The following CACNA1I variants were observed in gnomAD, a reference collection of about 807,000 sequenced individuals.
CACNA1I encodes the protein calcium voltage-gated channel subunit alpha1 I.
CACNA1I carries 74 observed loss-of-function variants against 201.6 expected under a neutral mutation model. That is an observed-to-expected ratio of 0.37 (90% confidence interval 0.30 to 0.45). The LOEUF (loss-of-function observed/expected upper bound fraction) is 0.45. CACNA1I is among the 20% of genes least tolerant of loss of function. CACNA1I has a pLI of 1.00. For missense variants in CACNA1I, 2,346 were observed against 3,138.1 expected, an observed-to-expected ratio of 0.75 and a Z score of 6.03; for synonymous variants, 1,431 against 1,345.2, an observed-to-expected ratio of 1.06 and a Z score of -1.40.
chr22:39,677,128 G>A lies in CACNA1I; in HGVS notation c.4855-213G>A, dbSNP rs956555782. On this transcript the variant is annotated intron_variant, in intron 29 of 36. Coordinates refer to ENST00000402142, the MANE Select transcript of CACNA1I (RefSeq NM_021096.4). The surrounding 1 kb of genome is among the most constrained non-coding windows in gnomAD (Gnocchi z 4.8). ...ACAGCTTGTGGTAAAGGTGGCACAA[G>A]TGTTTTCTTGTTATTCTGAGCCCTG... is the stretch of plus-strand genomic sequence containing the variant. Among the ~76,000 whole-genome samples, 1 of 152,244 alleles carries A rather than the reference G, an allele frequency of 6.6e-6. No individual in the cohort carries two copies. Among genetic ancestry groups the A allele is most frequent in the African/African-American group, 2.4e-5 (1 of 41,460 alleles).
intron 1 of CACNA1I, 36 bp from the exon 2 acceptor site, chr22:39,598,115 T>C: frequency 1.5e-6 from 2 of 1,359,406 alleles, no homozygotes; most frequent in Non-Finnish European, 1.0e-6. Context: ...CCACGGGCGA[T>C]CCCACCTGCT....
At chr22:39,572,063 C>T (rs544478954) in intron 1 of CACNA1I, among the ~76,000 whole-genome samples, 1 of 152,226 alleles carries the variant, frequency 6.6e-6, no homozygotes, top group South Asian at 2.1e-4. Flanking sequence ...CCCTGAGGGG[C>T]AGAGAGGAGT....
intron 28 of CACNA1I, among the ~76,000 whole-genome samples, 178 bp downstream of exon 28, chr22:39,673,260 C>A (rs1935427088): frequency 6.6e-6 from 1 of 152,118 alleles, no homozygotes; most frequent in African/African-American, 2.4e-5. Flanking sequence ...ACAGCCAACA[C>A]ACACGCATGC....
rs1049701709 is a variant in CACNA1I, at chr22:39,676,437, G to A, written c.4855-904G>A. ...TTACTTTTCAGCAGTTAACGTGAACGTTTTCTGAGGGTTCTAAGGCCTTCT... is the reference window on the plus strand; with the variant it reads ...TTACTTTTCAGCAGTTAACGTGAACATTTTCTGAGGGTTCTAAGGCCTTCT... On this transcript the variant is annotated intron_variant, in intron 29 of 36. Transcript: ENST00000402142. The surrounding 1 kb of genome is among the most constrained non-coding windows in gnomAD (Gnocchi z 4.8). Among the ~76,000 whole-genome samples, 1 of 152,210 alleles carries A rather than the reference G, an allele frequency of 6.6e-6. No homozygotes were observed. The highest frequency in any genetic ancestry group is 2.4e-5 in the African/African-American group (1 of 41,450).
Position 39,659,493 on chromosome 22 carries a change from G to A in CACNA1I, c.2391G>A (p.Thr797=), listed in dbSNP as rs201586243. The A allele has an allele frequency of 5.1e-5, 81 of 1,588,672 alleles. No individual in the cohort carries two copies. The African/African-American group carries it at 8.9e-4, about 17-fold the overall frequency. The change falls in exon 13 of 37, where the codon ACG becomes ACA. Residue 797 remains threonine, a synonymous_variant. Transcript: ENST00000402142. The surrounding 1 kb of genome is among the most constrained non-coding windows in gnomAD (Gnocchi z 4.3). ...GCCTCCGCACGGACACTGGAGACAC[G>A]GTGCCCGACAGGAAGAACTTCGACT... The part of the protein sequence containing the change: ...KFSLRTDTGD[T]VPDRKNFDSL...
At chr22:39,678,238 G>A in intron 31 of CACNA1I, 130 bp downstream of exon 31, 12 of 1,095,494 alleles carry the variant, frequency 1.1e-5, no homozygotes, top group Non-Finnish European at 1.4e-5. Context: ...GGGCACGGAG[G>A]AGTGGAGGGG....
intron 16 of CACNA1I, among the ~76,000 whole-genome samples, chr22:39,661,732 AG>A (rs2146449271): frequency 6.6e-6 from 1 of 152,338 alleles, no homozygotes; most frequent in African/African-American, 2.4e-5. Flanking sequence ...AAGGGAAGTG[AG>A]GTGGCAGGAG....
chr22:39,646,763 G>A lies in CACNA1I; in HGVS notation c.1344G>A (p.Lys448=), dbSNP rs530327593. 3 of 1,590,526 alleles carry A rather than the reference G, an allele frequency of 1.9e-6. No homozygotes were observed. The highest frequency in any genetic ancestry group is 2.6e-6 in the Non-Finnish European group (3 of 1,168,906). Reference sequence around the variant, plus strand: ...AGTATGTCTGCCACATCCTGCGCAAGGCCAAGCGCCGCGCCCTGGGCCTCT... The same window carrying A: ...AGTATGTCTGCCACATCCTGCGCAAAGCCAAGCGCCGCGCCCTGGGCCTCT... The part of the protein sequence containing the change: ...IFQYVCHILR[K]AKRRALGLYQ... Residue 448 remains lysine (K), a synonymous_variant, in exon 8 of 37, where the codon AAG becomes AAA. Transcript: ENST00000402142.
chr22:39,677,036 TAA>T lies in CACNA1I; in HGVS notation c.4855-302_4855-301del, dbSNP rs1935531030. 6.6e-6 allele frequency among the ~76,000 whole-genome samples: 1 copy of T among 152,176 alleles called. No homozygotes were observed. The highest frequency in any genetic ancestry group is 1.5e-5 in the Non-Finnish European group (1 of 68,022). Reference sequence around the variant, plus strand: ...TCCTTCTTCTTCTGAAGAATGGGGATAAAAGATAGTTCGTGGATTATTGTGAG... The same window carrying T: ...TCCTTCTTCTTCTGAAGAATGGGGATAAGATAGTTCGTGGATTATTGTGAG... On this transcript the variant is annotated intron_variant, in intron 29 of 36. Coordinates refer to ENST00000402142, the MANE Select transcript of CACNA1I (RefSeq NM_021096.4). This position sits in a 1 kb window ranked among gnomAD's most constrained non-coding sequence, Gnocchi z 4.8.
At chr22:39,577,744 G>A (rs757771194) in intron 1 of CACNA1I, among the ~76,000 whole-genome samples, 1 of 152,118 alleles carries the variant, frequency 6.6e-6, no homozygotes, top group Non-Finnish European at 1.5e-5. Flanking sequence ...CCTGGAGAGG[G>A]GGCTTGGTGC....
chr22:39,641,488 C>A (rs558357292), intron 6 of CACNA1I, among the ~76,000 whole-genome samples: 1 of 152,152 alleles, frequency 6.6e-6, no homozygotes, highest in East Asian at 1.9e-4. Flanking sequence ...CCCTATGGAT[C>A]CCAGCAGGGA....
chr22:39,598,288 C>CGCCCTGCCCCGCCCT lies in CACNA1I; in HGVS notation c.348+35_348+36insCGCCCTGCCCTGCCC. ...GTGAGCCGGCCGCCCCGCCCCGCCC[C>CGCCCTGCCCCGCCCT]GCCCTGCCCTCATCCTCCAGGACCC... On this transcript the variant is annotated intron_variant, in intron 2 of 36. Transcript: ENST00000402142. 4.1e-6 allele frequency: 5 copies of CGCCCTGCCCCGCCCT among 1,215,222 alleles called. 1 individual carries two copies. Among genetic ancestry groups the CGCCCTGCCCCGCCCT allele is most frequent in the South Asian group, 4.0e-5 (3 of 75,900 alleles). The allele number at this position is 1,215,222 out of a possible 1,614,324, so 75.3% of individuals were successfully genotyped here. A position where few individuals can be genotyped will look rare whatever the true frequency, so the allele number is the denominator to read the frequency against.
Position 39,665,219 on chromosome 22 carries a change from G to T in CACNA1I, c.3852-279G>T, listed in dbSNP as rs181928267. On this transcript the variant is annotated intron_variant, in intron 21 of 36. Transcript: ENST00000402142. The surrounding 1 kb of genome is among the most constrained non-coding windows in gnomAD (Gnocchi z 5.5). ...TAGACCAGGGTGTGGTGTGGACCCC[G>T]AGGAGCTGGGCACAGTGAGGGGTGA... 6.6e-6 allele frequency among the ~76,000 whole-genome samples: 1 copy of T among 152,252 alleles called. No homozygotes were observed. The highest frequency in any genetic ancestry group is 1.5e-5 in the Non-Finnish European group (1 of 67,990).
intron 3 of CACNA1I, among the ~76,000 whole-genome samples, chr22:39,606,792 G>A (rs1246016756): frequency 2.6e-5 from 4 of 152,304 alleles, no homozygotes; most frequent in Admixed American, 6.5e-5. Flanking sequence ...TCGGCCTCCC[G>A]AAGTGCTGGG....
chr22:39,632,155 AG>A (rs1255999053), intron 4 of CACNA1I, among the ~76,000 whole-genome samples: 1 of 152,194 alleles, frequency 6.6e-6, no homozygotes, highest in Non-Finnish European at 1.5e-5. Context: ...AGGGAGAAGC[AG>A]GAGCGGGAAT....
rs545366927 is a variant in CACNA1I at position 39,608,175 on chromosome 22, G to A, written c.482+7522G>A. ...ATTCAAAAATTAGCCAGGCGCAGTGGCGCACACCTGTAGTCCCAGCTGTTT... is the reference window on the plus strand; with the variant it reads ...ATTCAAAAATTAGCCAGGCGCAGTGACGCACACCTGTAGTCCCAGCTGTTT... On this transcript the variant is annotated intron_variant, in intron 3 of 36. Transcript: ENST00000402142. 3.5e-3 allele frequency among the ~76,000 whole-genome samples: 535 copies of A among 152,194 alleles called. 1 individual carries two copies. Among genetic ancestry groups the A allele is most frequent in the Middle Eastern group, 0.014 (4 of 294 alleles).
intron 33 of CACNA1I, 49 bp from the exon 34 acceptor site, chr22:39,680,881 C>T: frequency 1.3e-6 from 2 of 1,577,046 alleles, no homozygotes; most frequent in Non-Finnish European, 8.6e-7. Context: ...GGACCCAGGT[C>T]TGCCCATCCC....
chr22:39,636,433 C>T (rs1934220530), intron 5 of CACNA1I, among the ~76,000 whole-genome samples: 1 of 152,254 alleles, frequency 6.6e-6, no homozygotes, highest in African/African-American at 2.4e-5. Flanking sequence ...TGCCACGCCT[C>T]CCTCTGAGCT....
chr22:39,619,984 C>CATCT (rs1252055701), intron 4 of CACNA1I, among the ~76,000 whole-genome samples: 15 of 149,824 alleles, frequency 1.0e-4, no homozygotes, highest in Non-Finnish European at 9.0e-5. Context: ...TCCATCCATC[C>CATCT]ATCTACCTGT....
Sources: allele counts gnomAD v4.1 joint callset (sites outside exome capture counted in the v4.1 genomes callset), GRCh38; gene constraint gnomAD v4.1.1; non-coding constraint Gnocchi (gnomAD v3.1); transcripts MANE v1.5; gene names NCBI Gene and HGNC (gene_info 2026-07-23, HGNC 2026-07-21).